The following NEB variants were observed in gnomAD, a reference collection of about 807,000 sequenced individuals.
The protein encoded by NEB is nemaline myopathy type 2.
In NEB, 512 loss-of-function variants were observed where a neutral mutation model predicts 952.2. The ratio of observed to expected loss-of-function variants is 0.54; its 90% CI spans 0.50 to 0.58. The LOEUF (loss-of-function observed/expected upper bound fraction) is 0.58, where lower values mean the gene tolerates loss of function less well. Among genes scored for constraint, NEB ranks in the 20% least tolerant of loss-of-function variants. The pLI is 0.00. For synonymous variants in NEB, 2,900 were observed against 3,149.8 expected, an observed-to-expected ratio of 0.92 and a Z score of 2.66; for missense variants, 8,428 against 9,231.1, an observed-to-expected ratio of 0.91 and a Z score of 3.56.
At chr2:151,523,146 T>A (rs1168250583) in intron 153 of NEB, among the ~76,000 whole-genome samples, 1 of 152,248 alleles carries the variant, frequency 6.6e-6, no homozygotes, top group Non-Finnish European at 1.5e-5. Context: ...AAGTTCTTGT[T>A]ACATCTCATT....
intron 44 of NEB, 71 bp downstream of exon 44, chr2:151,664,430 T>C: frequency 1.7e-6 from 2 of 1,164,310 alleles, no homozygotes; most frequent in Non-Finnish European, 2.4e-6. Context: ...CCACTGCTCC[T>C]ACATACACAC....
chr2:151,572,925 C>T (rs191938959), intron 107 of NEB, among the ~76,000 whole-genome samples: 26 of 148,316 alleles, frequency 1.8e-4, no homozygotes, highest in Middle Eastern at 3.6e-3. Flanking sequence ...CAGCTACTAA[C>T]TTTGAGAACA....
chr2:151,661,136 T>C (rs1192420927), intron 46 of NEB, among the ~76,000 whole-genome samples: 2 of 152,288 alleles, frequency 1.3e-5, no homozygotes, highest in African/African-American at 4.8e-5. Context: ...AGGATTCAAC[T>C]TGATGGTCAT....
intron 51 of NEB, 50 bp from the exon 52 acceptor site, chr2:151,654,149 T>C (rs569357091): frequency 8.5e-7 from 1 of 1,176,172 alleles, no homozygotes; most frequent in South Asian, 1.7e-5. Flanking sequence ...ATAAAGAATA[T>C]CAATAGATTA....
chr2:151,672,237 T>G (rs1367582967), intron 37 of NEB, 132 bp downstream of exon 37: 2 of 881,596 alleles, frequency 2.3e-6, no homozygotes, highest in East Asian at 5.4e-5. Context: ...CCTTTGGTAG[T>G]CTTTCAGTAA....
intron 124 of NEB, among the ~76,000 whole-genome samples, chr2:151,557,821 C>G (rs1490434270): frequency 6.6e-6 from 1 of 152,192 alleles, no homozygotes; most frequent in Non-Finnish European, 1.5e-5. Context: ...TTCAACAGCT[C>G]TTCATGCTAA....
chr2:151,493,689 G>T, intron 175 of NEB, 86 bp downstream of exon 175: 1 of 1,140,786 alleles, frequency 8.8e-7, no homozygotes. Context: ...AAAAGTTTTG[G>T]AAAAACTGTA....
At chr2:151,701,731 T>C (rs934655691) in intron 13 of NEB, among the ~76,000 whole-genome samples, 4 of 150,500 alleles carry the variant, frequency 2.7e-5, no homozygotes, top group African/African-American at 9.8e-5. Context: ...TCATTTTTTA[T>C]TGTGTCTATT....
chr2:151,620,357 A>ATATATATATATG (rs2098382416), intron 72 of NEB, among the ~76,000 whole-genome samples: 1 of 66,530 alleles, frequency 1.5e-5, no homozygotes, highest in African/African-American at 4.5e-5. Context: ...GTATATATAT[A>ATATATATATATG]TATATATATA....
chr2:151,693,245 T>G (rs75883373), intron 20 of NEB, among the ~76,000 whole-genome samples: 3,454 of 152,230 alleles, frequency 0.023, 149 homozygotes, highest in African/African-American at 0.079. Context: ...TTATCTTATT[T>G]TTTATTTTTT....
chr2:151,707,454 CCACGCTTTTATGCCT>C, intron 12 of NEB, among the ~76,000 whole-genome samples: 1 of 152,346 alleles, frequency 6.6e-6, no homozygotes, highest in East Asian at 1.9e-4. Flanking sequence ...TACCACTAAT[CCACGCTTTTATGCCT>C]CACCTGCAAC....
At chr2:151,516,398 C>T in intron 157 of NEB, 61 bp downstream of exon 157, 1 of 1,184,752 alleles carries the variant, frequency 8.4e-7, no homozygotes, top group Non-Finnish European at 1.2e-6. Flanking sequence ...ATGTCATGGG[C>T]AGAGCTTGTG....
rs2098182169 is a variant in NEB, at chr2:151,615,998, T to C, written c.11289+4A>G. 6.2e-7 allele frequency: 1 copy of C among 1,603,652 alleles called. No homozygotes were observed. The highest frequency in any genetic ancestry group is 1.1e-5 in the South Asian group (1 of 89,158). ...GAAATGGCTTTTCCAAAACATCCACTTACATCACTAGCAATATCTCTTGAA... is the reference window on the plus strand; with the variant it reads ...GAAATGGCTTTTCCAAAACATCCACCTACATCACTAGCAATATCTCTTGAA... On this transcript the variant is annotated splice_donor_region_variant and intron_variant, in intron 76 of 181. Coordinates refer to ENST00000397345, the MANE Select transcript of NEB (RefSeq NM_001164508.2).
Position 151,501,445 on chromosome 2 carries a change from T to C in NEB, c.23967A>G (p.Leu7989=), listed in dbSNP as rs769117795. The change falls in exon 168 of 182, where the codon CTA becomes CTG. Residue 7989 remains leucine (L), a synonymous_variant. Transcript: ENST00000397345. ...YKENLSKGTP[L]PVTPEMERVK... is the part of the protein sequence containing the mutation. Reference sequence around the variant, plus strand: ...CTCGCTCCATCTCAGGAGTGACAGGTAGGGGAGTCCCCTTGCTCAAGTTCT... The same window carrying C: ...CTCGCTCCATCTCAGGAGTGACAGGCAGGGGAGTCCCCTTGCTCAAGTTCT... 1.7e-4 allele frequency: 260 copies of C among 1,543,584 alleles called. No individual in the cohort carries two copies. The highest frequency in any genetic ancestry group is 2.1e-4 in the Non-Finnish European group (245 of 1,142,762).
Position 151,636,227 on chromosome 2 carries a change from G to A in NEB, c.9102C>T (p.Asp3034=), listed in dbSNP as rs760359781. 5.6e-6 allele frequency: 9 copies of A among 1,605,858 alleles called. No homozygotes were observed. The highest frequency in any genetic ancestry group is 4.5e-5 in the East Asian group (2 of 44,848). ...AAKASRDIIS[D]YKYKDGYCKQ... is the part of the protein sequence containing the mutation. ...ACTCAGAATGGAATTGACAACTCAC[G>A]TCACTGATGATGTCCCTGGAGGCCT... The change falls in exon 64 of 182, where the codon GAC becomes GAT. Residue 3034 remains aspartate (D), a splice_region_variant and synonymous_variant. Coordinates refer to ENST00000397345, the MANE Select transcript of NEB (RefSeq NM_001164508.2).
intron 105 of NEB, among the ~76,000 whole-genome samples, chr2:151,578,867 C>G (rs528876396): frequency 2.0e-5 from 3 of 151,278 alleles, no homozygotes; most frequent in Non-Finnish European, 1.5e-5. Flanking sequence ...GGATCACCTG[C>G]GGTCAGGAGT....
intron 107 of NEB, among the ~76,000 whole-genome samples, chr2:151,574,262 T>C (rs554349461): frequency 6.6e-6 from 1 of 152,268 alleles, no homozygotes; most frequent in African/African-American, 2.4e-5. Flanking sequence ...GCGTGAGCCA[T>C]CGCGCCAGGC....
At chr2:151,489,575 T>C (rs943285666) in intron 181 of NEB, among the ~76,000 whole-genome samples, 2 of 152,246 alleles carry the variant, frequency 1.3e-5, no homozygotes, top group Admixed American at 1.3e-4. Flanking sequence ...TTTTTGGTTT[T>C]TAGTAGAGAT....
intron 147 of NEB, 99 bp downstream of exon 147, chr2:151,527,382 A>C (rs2086921759): frequency 1.0e-6 from 1 of 999,434 alleles, no homozygotes; most frequent in Non-Finnish European, 1.5e-6. Flanking sequence ...CAAACGAGCA[A>C]GGGTTAACAC....
Sources: gnomAD v4.1 joint callset for allele counts (sites outside exome capture counted in the v4.1 genomes callset) on GRCh38, gnomAD v4.1.1 for gene constraint, MANE v1.5 for transcripts, NCBI Gene and HGNC (gene_info 2026-07-23, HGNC 2026-07-21) for gene names.